NDST4: variants seen among roughly 807,000 people sequenced by gnomAD.
NDST4 encodes the protein N-heparan sulfate sulfotransferase 4.
In NDST4, 63 loss-of-function variants were observed where a neutral mutation model predicts 100.8. The ratio of observed to expected loss-of-function variants is 0.62; its 90% confidence interval spans 0.51 to 0.77. NDST4 has a LOEUF of 0.77. Ranked by LOEUF, NDST4 falls within the 30% of genes least tolerant of loss-of-function variation. The pLI is 0.00. For synonymous variants in NDST4, 377 were observed against 361.8 expected (o/e 1.04, Z -0.48); for missense variants, 943 against 1,018.4 (o/e 0.93, Z 1.01).
intron 3 of NDST4, among the ~76,000 whole-genome samples, chr4:114,971,818 G>T (rs1405513376): frequency 6.6e-6 from 1 of 151,968 alleles, no homozygotes; most frequent in Non-Finnish European, 1.5e-5. Context: ...GCATGTATTT[G>T]GTGTCACTCA....
At chr4:114,963,882 A>G (rs565692017) in intron 4 of NDST4, among the ~76,000 whole-genome samples, 4 of 152,288 alleles carry the variant, frequency 2.6e-5, no homozygotes, top group Non-Finnish European at 4.4e-5. Context: ...TCTTATTTCT[A>G]GTTAGATGTG....
chr4:114,966,870 T>A (rs534981347), intron 4 of NDST4, among the ~76,000 whole-genome samples: 1 of 152,252 alleles, frequency 6.6e-6, no homozygotes, highest in East Asian at 1.9e-4. Flanking sequence ...TGAGTTGATG[T>A]AAATTAATTA....
At chr4:115,086,985 A>G (rs778024559) in intron 1 of NDST4, among the ~76,000 whole-genome samples, 9 of 152,020 alleles carry the variant, frequency 5.9e-5, no homozygotes, top group Non-Finnish European at 1.2e-4. Flanking sequence ...GGAACTTTGT[A>G]TTTATATTTA....
At chr4:114,849,004 T>C (rs995203937) in intron 8 of NDST4, among the ~76,000 whole-genome samples, 3 of 152,182 alleles carry the variant, frequency 2.0e-5, no homozygotes, top group African/African-American at 7.2e-5. Context: ...AGGAAGTGTA[T>C]TCTAATACTT....
chr4:114,841,563 T>A (rs762300160), intron 10 of NDST4, among the ~76,000 whole-genome samples: 7 of 152,202 alleles, frequency 4.6e-5, no homozygotes, highest in Non-Finnish European at 1.0e-4. Flanking sequence ...ATTGAACTGG[T>A]TTAATCTATG....
chr4:115,051,744 T>C (rs1728588517), intron 2 of NDST4, among the ~76,000 whole-genome samples: 1 of 151,222 alleles, frequency 6.6e-6, no homozygotes, highest in African/African-American at 2.4e-5. Flanking sequence ...ATCTTTTCAA[T>C]AGTTGATTTT....
intron 2 of NDST4, among the ~76,000 whole-genome samples, chr4:115,057,737 C>CAG (rs1347478002): frequency 0.022 from 1,649 of 73,830 alleles, 6 homozygotes; most frequent in Non-Finnish European, 0.029. Context: ...CACACACAGA[C>CAG]ACACACACAC....
At chr4:114,947,505 G>A (rs577256877) in intron 4 of NDST4, among the ~76,000 whole-genome samples, 1 of 152,166 alleles carries the variant, frequency 6.6e-6, no homozygotes, top group South Asian at 2.1e-4. Context: ...TTAGAAGCAA[G>A]AGAAAAGTTA....
intron 4 of NDST4, among the ~76,000 whole-genome samples, chr4:114,938,635 T>C (rs1177134526): frequency 6.6e-6 from 1 of 152,220 alleles, no homozygotes; most frequent in Non-Finnish European, 1.5e-5. Flanking sequence ...TTTTCCATTA[T>C]ATGGTACACA....
At chr4:115,063,140 T>C (rs915189153) in intron 2 of NDST4, among the ~76,000 whole-genome samples, 2 of 151,992 alleles carry the variant, frequency 1.3e-5, no homozygotes, top group Non-Finnish European at 2.9e-5. Context: ...AAACTGTTCT[T>C]ATTATTATCT....
At chr4:114,886,913 A>G (rs1318185995) in intron 6 of NDST4, among the ~76,000 whole-genome samples, 1 of 152,156 alleles carries the variant, frequency 6.6e-6, no homozygotes, top group Non-Finnish European at 1.5e-5. Flanking sequence ...AAACAAAGGA[A>G]CTCACAGGAG....
chr4:115,050,405 TAC>T (rs36055187), intron 2 of NDST4, among the ~76,000 whole-genome samples: 43 of 149,350 alleles, frequency 2.9e-4, no homozygotes, highest in Non-Finnish European at 3.6e-4. Flanking sequence ...AATGAAGCAT[TAC>T]ACACACACAC....
chr4:114,934,161 T>A (rs1284731975), intron 6 of NDST4, among the ~76,000 whole-genome samples: 1 of 152,116 alleles, frequency 6.6e-6, no homozygotes, highest in Non-Finnish European at 1.5e-5. Flanking sequence ...AAATAAAATA[T>A]TATTCATCCT....
chr4:114,831,621 G>A (rs1723203256), intron 12 of NDST4, among the ~76,000 whole-genome samples: 4 of 152,286 alleles, frequency 2.6e-5, no homozygotes, highest in Admixed American at 2.6e-4. Flanking sequence ...CTCAGGATGG[G>A]CTGTGGTCTC....
intron 6 of NDST4, among the ~76,000 whole-genome samples, chr4:114,931,108 G>A (rs2126223508): frequency 6.6e-6 from 1 of 151,942 alleles, no homozygotes; most frequent in Admixed American, 6.6e-5. Context: ...GGCCTAATAG[G>A]CTCCTCTGAT....
intron 7 of NDST4, among the ~76,000 whole-genome samples, chr4:114,864,512 A>G (rs1723984478): frequency 6.6e-6 from 1 of 152,150 alleles, no homozygotes; most frequent in Non-Finnish European, 1.5e-5. Flanking sequence ...TCTCAATGTC[A>G]TTTAAGCCTA....
At chr4:115,109,016 G>C (rs935675806) in intron 1 of NDST4, among the ~76,000 whole-genome samples, 1 of 147,616 alleles carries the variant, frequency 6.8e-6, no homozygotes, top group East Asian at 2.0e-4. Flanking sequence ...GAAGGAAGAA[G>C]GAAGGAAAGA....
intron 6 of NDST4, among the ~76,000 whole-genome samples, chr4:114,874,420 T>G (rs1376338289): frequency 6.6e-6 from 1 of 152,174 alleles, no homozygotes; most frequent in Non-Finnish European, 1.5e-5. Context: ...AGCTGAGGCA[T>G]GCTGCTGCAT....
intron 2 of NDST4, among the ~76,000 whole-genome samples, chr4:115,062,704 A>C (rs907843466): frequency 2.6e-5 from 4 of 151,776 alleles, no homozygotes; most frequent in African/African-American, 9.7e-5. Context: ...AAACTACATA[A>C]AAAAGAAATA....
Sources: allele counts gnomAD v4.1 joint callset (sites outside exome capture counted in the v4.1 genomes callset), GRCh38; gene constraint gnomAD v4.1.1; transcripts MANE v1.5; gene names NCBI Gene and HGNC (gene_info 2026-07-23, HGNC 2026-07-21).